The following PF4 variants were observed in gnomAD, a reference collection of about 807,000 sequenced individuals.
The protein encoded by PF4 is platelet factor 4, also known as C-X-C motif chemokine 4.
PF4 carries 8 observed loss-of-function variants against 6.9 expected under a neutral mutation model. The ratio of observed to expected loss-of-function variants is 1.16; its 90% CI spans 0.68 to 2.09. PF4 has a LOEUF of 2.09. Among genes scored for constraint, PF4 ranks in the 30% most tolerant of loss-of-function variants. The pLI is 0.00. For synonymous variants in PF4, 55 were observed against 56.5 expected (o/e 0.97, Z 0.12); for missense variants, 111 against 122.9 (o/e 0.90, Z 0.46).
chr4:73,981,936 C>A lies in PF4; in HGVS notation c.18G>T (p.Gly6=), dbSNP rs760386282. 2 of 1,550,990 alleles carry A rather than the reference C, an allele frequency of 1.3e-6. No individual in the cohort carries two copies. Among genetic ancestry groups the A allele is most frequent in the South Asian group, 2.4e-5 (2 of 84,020 alleles). Residue 6 remains glycine, a synonymous_variant, in exon 1 of 3, where the codon GGG becomes GGT. Transcript: ENST00000296029. ...GCAGCCCGGGGCGTGAGGCGCAGAA[C>A]CCGGCTGCGGAGCTCATGCTGCGGC... The part of the protein sequence containing the change: MSSAA[G]FCASRPGLLF...
chr4:73,981,466 T>C lies in PF4; in HGVS notation c.169A>G (p.Ser57Gly). ...GGTCCGGCCTTGATCACCTCCAGGC[T>C]GGTGATGTGCCTGGGACGGACCTGG... ...TSQVRPRHIT[S>G]LEVIKAGPHC... Residue 57 changes from serine (S) to glycine (G), a missense_variant, in exon 2 of 3, where the codon AGC becomes GGC. Transcript: ENST00000296029. The C allele has an allele frequency of 6.2e-7, 1 of 1,614,166 alleles. No individual in the cohort carries two copies. Among genetic ancestry groups the C allele is most frequent in the East Asian group, 2.2e-5 (1 of 44,866 alleles).
chr4:73,981,886 G>A lies in PF4; in HGVS notation c.68C>T (p.Pro23Leu). The A allele has an allele frequency of 3.9e-6, 6 of 1,551,382 alleles. No homozygotes were observed. Among genetic ancestry groups the A allele is most frequent in the South Asian group, 3.6e-5 (3 of 84,046 alleles). The change falls in exon 1 of 3, where the codon CCA (proline) becomes CTA (leucine). Residue 23 changes from proline to leucine, a missense_variant. Transcript: ENST00000296029. ...GLLFLGLLLL[P>L]LVVAFASAEA... is the part of the protein sequence containing the mutation. Reference sequence around the variant, plus strand: ...ACCGCTGGCGAAGGCGACCACAAGTGGCAGGAGCAGCAACCCCAGGAACAG... The same window carrying A: ...ACCGCTGGCGAAGGCGACCACAAGTAGCAGGAGCAGCAACCCCAGGAACAG...
In PF4 at chr4:73,980,851, A is replaced by G. The variant is rs1448840761; in HGVS notation, c.*353T>C. Among the ~76,000 whole-genome samples the G allele has an allele frequency of 1.3e-5, 2 of 152,218 alleles. No homozygotes were observed. The highest frequency in any genetic ancestry group is 1.3e-4 in the Admixed American group (2 of 15,274). On this transcript the variant is annotated 3_prime_UTR_variant, in exon 3 of 3. Transcript: ENST00000296029. Reference sequence around the variant, plus strand: ...CTGTGTTACTGATATTTATTGGCAAAGGTAATAATAATGGTCAAGGTAAAT... The same window carrying G: ...CTGTGTTACTGATATTTATTGGCAAGGGTAATAATAATGGTCAAGGTAAAT...
At position 73,981,871 on chromosome 4, in the gene PF4, A is replaced by C; in HGVS notation, c.83T>G (p.Phe28Cys). 1 of 1,551,234 alleles carries C rather than the reference A, an allele frequency of 6.4e-7. No homozygotes were observed. Among genetic ancestry groups the C allele is most frequent in the Non-Finnish European group, 8.7e-7 (1 of 1,146,882 alleles). Reference sequence around the variant, plus strand: ...CTGGCTTCTGCTCTCACCGCTGGCGAAGGCGACCACAAGTGGCAGGAGCAG... The same window carrying C: ...CTGGCTTCTGCTCTCACCGCTGGCGCAGGCGACCACAAGTGGCAGGAGCAG... ...GLLLLPLVVA[F>C]ASAEAEEDGD... The change falls in exon 1 of 3, where the codon TTC (phenylalanine) becomes TGC (cysteine). Residue 28 changes from phenylalanine (F) to cysteine (C), a missense_variant. By Grantham distance (205) the Phe-to-Cys change is radical (BLOSUM62 -2). Transcript: ENST00000296029.
rs1455314159 is a variant in PF4, at chr4:73,981,982, A to C, written c.-29T>G. On this transcript the variant is annotated 5_prime_UTR_variant, in exon 1 of 3. Coordinates refer to ENST00000296029, the MANE Select transcript of PF4 (RefSeq NM_002619.4). ...GCGGCAGAGCTTCCAGCAGGATCTC[A>C]GTGCTCAGTGCGATGGGAAACTCGG... 2.1e-5 allele frequency: 32 copies of C among 1,529,494 alleles called. No homozygotes were observed. Among genetic ancestry groups the C allele is most frequent in the Non-Finnish European group, 2.6e-5 (29 of 1,127,728 alleles). 94.7% of individuals were successfully genotyped at this position (1,529,494 alleles called of 1,614,324 possible).
Position 73,981,985 on chromosome 4 carries a change from G to A in PF4, c.-32C>T. ...GCAGAGCTTCCAGCAGGATCTCAGT[G>A]CTCAGTGCGATGGGAAACTCGGGCT... On this transcript the variant is annotated 5_prime_UTR_variant, in exon 1 of 3. Coordinates refer to ENST00000296029, the MANE Select transcript of PF4 (RefSeq NM_002619.4). The A allele has an allele frequency of 6.5e-7, 1 of 1,532,186 alleles. No individual in the cohort carries two copies. Among genetic ancestry groups the A allele is most frequent in the Non-Finnish European group, 8.8e-7 (1 of 1,130,336 alleles). The allele number at this position is 1,532,186 out of a possible 1,614,324, so 94.9% of individuals were successfully genotyped here. A position where few individuals can be genotyped will look rare whatever the true frequency, so the allele number is the denominator to read the frequency against.
rs376680745 is a variant in PF4 at position 73,981,410 on chromosome 4, G to A, written c.218+7C>T. On this transcript the variant is annotated splice_region_variant and intron_variant, in intron 2 of 2. Transcript: ENST00000296029. ...GGAGCACTGACAGATGCAGTGCAAG[G>A]ACTCACATCAGTTGGGCAGTGGGGC... is the stretch of plus-strand genomic sequence containing the variant. 1.1e-3 allele frequency: 1,710 copies of A among 1,614,182 alleles called. 3 individuals are homozygous for A. Among genetic ancestry groups the A allele is most frequent in the Non-Finnish European group, 1.4e-3 (1,602 of 1,180,020 alleles).
intron 1 of PF4, 73 bp downstream of exon 1, chr4:73,981,790 C>T: frequency 6.6e-7 from 1 of 1,523,294 alleles, no homozygotes; most frequent in Non-Finnish European, 8.8e-7. Flanking sequence ...CTAGAGGATT[C>T]CTCCCCAGCC....
In PF4 at chr4:73,981,535, C is replaced by T. The variant is rs1303910317; in HGVS notation, c.100G>A (p.Glu34Lys). 2 of 1,612,818 alleles carry T rather than the reference C, an allele frequency of 1.2e-6. No individual in the cohort carries two copies. Among genetic ancestry groups the T allele is most frequent in the African/African-American group, 1.3e-5 (1 of 74,896 alleles). ...LVVAFASAEA[E>K]EDGDLQCLCV... ...AGGCACTGCAGGTCCCCATCTTCTTCAGCTTCAGCTGAGGGGGAAATGGAG... is the reference window on the plus strand; with the variant it reads ...AGGCACTGCAGGTCCCCATCTTCTTTAGCTTCAGCTGAGGGGGAAATGGAG... The change falls in exon 2 of 3, where the codon GAA becomes AAA. Residue 34 changes from glutamate to lysine, a missense_variant. By Grantham distance (56) the Glu-to-Lys change is moderately conservative. Coordinates refer to ENST00000296029, the MANE Select transcript of PF4 (RefSeq NM_002619.4).
In PF4 at chr4:73,981,167, G is replaced by T. The variant is rs373572494; in HGVS notation, c.*37C>A. On this transcript the variant is annotated 3_prime_UTR_variant, in exon 3 of 3. Transcript: ENST00000296029. ...GATTGAAACTGGAAAAAAGAAGTAT[G>T]CTATATAGCAAATGCACACACGTAG... 2 of 1,370,028 alleles carry T rather than the reference G, an allele frequency of 1.5e-6. No homozygotes were observed. Among genetic ancestry groups the T allele is most frequent in the African/African-American group, 1.4e-5 (1 of 70,330 alleles). The allele number at this position is 1,370,028 out of a possible 1,614,324, so 84.9% of individuals were successfully genotyped here. A position where few individuals can be genotyped will look rare whatever the true frequency, so the allele number is the denominator to read the frequency against.
chr4:73,982,016 T>A lies in PF4; in HGVS notation c.-63A>T. 1 of 1,392,046 alleles carries A rather than the reference T, an allele frequency of 7.2e-7. No individual in the cohort carries two copies. The highest frequency in any genetic ancestry group is 9.9e-7 in the Non-Finnish European group (1 of 1,006,158). 86.2% of individuals were successfully genotyped at this position (1,392,046 alleles called of 1,614,324 possible). ...TGCGATGGGAAACTCGGGCTGGGTC[T>A]CTGTGGCCAATGACTCCTGAGCCTC... is the stretch of plus-strand genomic sequence containing the variant. On this transcript the variant is annotated 5_prime_UTR_variant, in exon 1 of 3. Transcript: ENST00000296029.
rs909607975 is a variant in PF4, at chr4:73,981,051, A to T, written c.*153T>A. 1 of 624,560 alleles carries T rather than the reference A, an allele frequency of 1.6e-6. No individual in the cohort carries two copies. The highest frequency in any genetic ancestry group is 2.8e-6 in the Non-Finnish European group (1 of 362,774). 38.7% of individuals were successfully genotyped at this position (624,560 alleles called of 1,614,324 possible). A position where few individuals can be genotyped will look rare whatever the true frequency, so the allele number is the denominator to read the frequency against. On this transcript the variant is annotated 3_prime_UTR_variant, in exon 3 of 3. Coordinates refer to ENST00000296029, the MANE Select transcript of PF4 (RefSeq NM_002619.4). ...TCAACACAATTTTTGCACTATTATT[A>T]AGAAGTATTTTGACTATACTACAAC... is the stretch of plus-strand genomic sequence containing the variant.
At position 73,981,136 on chromosome 4, in the gene PF4, C is replaced by T. The variant is rs999909679; in HGVS notation, c.*68G>A. The T allele has an allele frequency of 9.6e-7, 1 of 1,046,608 alleles. No individual in the cohort carries two copies. The highest frequency in any genetic ancestry group is 1.6e-5 in the African/African-American group (1 of 63,222). The allele number at this position is 1,046,608 out of a possible 1,614,324, so 64.8% of individuals were successfully genotyped here. ...AACACAAATATCAGAAGTTCTTTCA[C>T]AGTTAGATTGAAACTGGAAAAAAGA... On this transcript the variant is annotated 3_prime_UTR_variant, in exon 3 of 3. Transcript: ENST00000296029.
rs1801572 is a variant in PF4, at chr4:73,981,878, C to T, written c.76G>A (p.Val26Ile). ...FLGLLLLPLV[V>I]AFASAEAEED... ...CTGCTCTCACCGCTGGCGAAGGCGA[C>T]CACAAGTGGCAGGAGCAGCAACCCC... The change falls in exon 1 of 3, where the codon GTC becomes ATC. Residue 26 changes from valine (V) to isoleucine (I), a missense_variant. Transcript: ENST00000296029. 6.4e-7 allele frequency: 1 copy of T among 1,551,088 alleles called. No homozygotes were observed.
Position 73,981,215 on chromosome 4 carries a change from A to G in PF4, c.295T>C (p.Leu99=), listed in dbSNP as rs1409661604. The G allele has an allele frequency of 1.2e-6, 2 of 1,613,800 alleles. No individual in the cohort carries two copies. Among genetic ancestry groups the G allele is most frequent in the African/African-American group, 2.7e-5 (2 of 74,934 alleles). ...TAGGCAGCTAGTAGCTAACTCTCCA[A>G]AAGTTTCTTAATTATTTTCTTGTAC... ...PLYKKIIKKL[L]ES Residue 99 remains leucine, a synonymous_variant, in exon 3 of 3, where the codon TTG becomes CTG. Coordinates refer to ENST00000296029, the MANE Select transcript of PF4 (RefSeq NM_002619.4).
chr4:73,981,103 A>T lies in PF4; in HGVS notation c.*101T>A. On this transcript the variant is annotated 3_prime_UTR_variant, in exon 3 of 3. Transcript: ENST00000296029. ...TGATTTATTTTGTTTATTTAAAATC[A>T]TAAGGATAACACAAATATCAGAAGT... 3.7e-6 allele frequency: 3 copies of T among 813,230 alleles called. No individual in the cohort carries two copies. The highest frequency in any genetic ancestry group is 4.0e-6 in the Non-Finnish European group (2 of 499,296). 50.4% of individuals were successfully genotyped at this position (813,230 alleles called of 1,614,324 possible).
At chr4:73,981,715 C>A in intron 1 of PF4, 148 bp downstream of exon 1, 1 of 1,473,222 alleles carries the variant, frequency 6.8e-7, no homozygotes, top group Non-Finnish European at 9.0e-7. Flanking sequence ...GGTGCAGGTG[C>A]AGCGCCTGGC....
At chr4:73,981,612 G>A in intron 1 of PF4, 69 bp from the exon 2 acceptor site, 6 of 1,543,390 alleles carry the variant, frequency 3.9e-6, no homozygotes, top group Non-Finnish European at 5.3e-6. Flanking sequence ...GTAGCCAGAG[G>A]TACTTTAGGG....
At chr4:73,982,082 G>C, upstream of PF4, 1 of 616,008 alleles carries the variant, frequency 1.6e-6, no homozygotes. Context: ...CAGTCCGGAA[G>C]CCTGAAGTGG....
Sources: allele counts gnomAD v4.1 joint callset (sites outside exome capture counted in the v4.1 genomes callset), GRCh38; gene constraint gnomAD v4.1.1; transcripts MANE v1.5; gene names NCBI Gene and HGNC (gene_info 2026-07-23, HGNC 2026-07-21).